Variants in ARHGAP42 observed in about 807,000 individuals in gnomAD.
ARHGAP42 encodes Rho GTPase activating protein 42.
Under a neutral mutation model 125.0 loss-of-function variants are expected in ARHGAP42, and 63 were observed. That is an observed-to-expected ratio of 0.50 (90% CI 0.41 to 0.62). The LOEUF is 0.62. Among genes scored for constraint, ARHGAP42 ranks in the 20% least tolerant of loss-of-function variants. The probability of loss-of-function intolerance (pLI) is 0.00; values close to 1 mark genes in which losing one functional copy is unlikely to be tolerated. For missense variants in ARHGAP42, 766 were observed against 1,024.2 expected, an observed-to-expected ratio of 0.75 and a Z score of 3.44; for synonymous variants, 339 against 351.0, an observed-to-expected ratio of 0.97 and a Z score of 0.38.
At chr11:100,709,950 A>T (rs997106052) in intron 1 of ARHGAP42, among the ~76,000 whole-genome samples, 1 of 152,166 alleles carries the variant, frequency 6.6e-6, no homozygotes, top group Non-Finnish European at 1.5e-5. Context: ...TGATATACAC[A>T]CTGTGACATG....
At chr11:100,847,074 C>A (rs1865086778) in intron 3 of ARHGAP42, among the ~76,000 whole-genome samples, 1 of 152,116 alleles carries the variant, frequency 6.6e-6, no homozygotes, top group Non-Finnish European at 1.5e-5. Context: ...GAAGAACCAC[C>A]AACCCACTTG....
At chr11:100,824,603 G>T (rs1355604061) in intron 3 of ARHGAP42, among the ~76,000 whole-genome samples, 2 of 152,120 alleles carry the variant, frequency 1.3e-5, no homozygotes, top group Non-Finnish European at 2.9e-5. Context: ...TTCATGAGCT[G>T]GGAAATTCAG....
At chr11:100,809,514 A>T (rs1027653349) in intron 3 of ARHGAP42, among the ~76,000 whole-genome samples, 9 of 152,270 alleles carry the variant, frequency 5.9e-5, no homozygotes, top group Admixed American at 4.6e-4. Context: ...ATAGTTGTGT[A>T]TGAAATTTTA....
intron 1 of ARHGAP42, among the ~76,000 whole-genome samples, chr11:100,723,816 ATCATT>A (rs1861807307): frequency 6.6e-6 from 1 of 152,152 alleles, no homozygotes. Context: ...TGAGAGGGAT[ATCATT>A]GTCTTGTTCC....
intron 3 of ARHGAP42, among the ~76,000 whole-genome samples, chr11:100,822,389 G>A (rs566323942): frequency 1.2e-3 from 181 of 152,184 alleles, no homozygotes; most frequent in Non-Finnish European, 2.2e-3. Flanking sequence ...TGGGTAGTGG[G>A]TGGCAGGTGG....
Position 100,992,442 on chromosome 11 carries a change from T to C in ARHGAP42, c.*3641T>C. The stretch of plus-strand genomic sequence containing the variant: ...GGTTTCCCCTTAGGGTACACATTGC[T>C]ATTTAACTTTGCCTCCTACCCTTTT... On this transcript the variant is annotated 3_prime_UTR_variant, in exon 24 of 24. Transcript: ENST00000298815. 1 of 1,614,142 alleles carries C rather than the reference T, an allele frequency of 6.2e-7. No individual in the cohort carries two copies. Among genetic ancestry groups the C allele is most frequent in the South Asian group, 1.1e-5 (1 of 91,088 alleles).
chr11:100,872,237 T>G (rs1274718312), intron 4 of ARHGAP42, among the ~76,000 whole-genome samples: 1 of 152,354 alleles, frequency 6.6e-6, no homozygotes, highest in African/African-American at 2.4e-5. Flanking sequence ...ATTTATCTTC[T>G]TATTGTTCAT....
intron 2 of ARHGAP42, among the ~76,000 whole-genome samples, chr11:100,783,143 A>C (rs1863353335): frequency 6.6e-6 from 1 of 152,170 alleles, no homozygotes; most frequent in South Asian, 2.1e-4. Context: ...ACTGCTTTGA[A>C]CACTAGTCTT....
intron 1 of ARHGAP42, among the ~76,000 whole-genome samples, chr11:100,729,626 G>T (rs1861920044): frequency 6.6e-6 from 1 of 151,982 alleles, no homozygotes. Context: ...AATTTGCATA[G>T]ATAAATTAAA....
chr11:100,966,173 T>A (rs1348553194), intron 17 of ARHGAP42, among the ~76,000 whole-genome samples: 2 of 152,166 alleles, frequency 1.3e-5, no homozygotes, highest in Non-Finnish European at 2.9e-5. Flanking sequence ...AACACTTAAC[T>A]GTTAGATTCC....
intron 3 of ARHGAP42, among the ~76,000 whole-genome samples, chr11:100,842,630 T>G (rs903965797): frequency 6.6e-6 from 1 of 152,010 alleles, no homozygotes; most frequent in Non-Finnish European, 1.5e-5. Flanking sequence ...AGTGTGGTAA[T>G]GAATGGAAAT....
chr11:100,751,971 G>T (rs527533949), intron 1 of ARHGAP42, among the ~76,000 whole-genome samples: 7 of 151,768 alleles, frequency 4.6e-5, no homozygotes, highest in Non-Finnish European at 1.0e-4. Flanking sequence ...ATAGAGATGG[G>T]GTTTCACCAG....
chr11:100,704,893 G>A (rs910345206), intron 1 of ARHGAP42, among the ~76,000 whole-genome samples: 12 of 151,128 alleles, frequency 7.9e-5, no homozygotes, highest in Admixed American at 2.0e-4. Flanking sequence ...CAGGAGGATC[G>A]CTTGAGCCCA....
intron 2 of ARHGAP42, among the ~76,000 whole-genome samples, chr11:100,778,506 GA>G (rs1863185931): frequency 6.6e-6 from 1 of 151,902 alleles, no homozygotes; most frequent in African/African-American, 2.4e-5. Context: ...CTCTGCAGAG[GA>G]AGCATATTTT....
intron 1 of ARHGAP42, among the ~76,000 whole-genome samples, chr11:100,730,100 G>A (rs1483081848): frequency 2.0e-5 from 3 of 152,118 alleles, no homozygotes; most frequent in Admixed American, 2.0e-4. Flanking sequence ...ATGAGCCACT[G>A]TGCCTGGCCT....
chr11:100,693,936 C>A (rs889809452), intron 1 of ARHGAP42, among the ~76,000 whole-genome samples: 2 of 150,292 alleles, frequency 1.3e-5, no homozygotes, highest in Non-Finnish European at 3.0e-5. Context: ...GCTTTCTTTT[C>A]TTTCTTTTTT....
At position 100,795,105 on chromosome 11, in the gene ARHGAP42, C is replaced by T. The variant is rs1213066656; in HGVS notation, c.251C>T (p.Ala84Val). 1.9e-6 allele frequency: 3 copies of T among 1,543,860 alleles called. No homozygotes were observed. Among genetic ancestry groups the T allele is most frequent in the Non-Finnish European group, 2.6e-6 (3 of 1,143,562 alleles). The change falls in exon 3 of 24, where the codon GCT (alanine) becomes GTT (valine). Residue 84 changes from alanine to valine, a missense_variant and splice_region_variant. By Grantham distance (64) the Ala-to-Val change is moderately conservative (BLOSUM62 0). This residue lies in a region of ARHGAP42 where 455 missense variants were observed against 636.5 expected (regional missense o/e 0.71). Coordinates refer to ENST00000298815, the MANE Select transcript of ARHGAP42 (RefSeq NM_152432.4). ...TGCATTTTTTTATCTTTCCAAACAGCTCAGTCACTAAAAGAATTTGCAAGA... is the reference window on the plus strand; with the variant it reads ...TGCATTTTTTTATCTTTCCAAACAGTTCAGTCACTAAAAGAATTTGCAAGA... ...DAETDDEISI[A>V]QSLKEFARLL...
chr11:100,935,236 C>G (rs1432490412), intron 7 of ARHGAP42, among the ~76,000 whole-genome samples: 1 of 151,562 alleles, frequency 6.6e-6, no homozygotes, highest in Non-Finnish European at 1.5e-5. Flanking sequence ...AAGAGGTATT[C>G]ATAGAGAAAA....
chr11:100,940,513 A>C (rs1867850666), intron 8 of ARHGAP42, among the ~76,000 whole-genome samples: 1 of 152,180 alleles, frequency 6.6e-6, no homozygotes, highest in Non-Finnish European at 1.5e-5. Flanking sequence ...CTACCAATGC[A>C]TTCTACGCCC....
Sources: allele counts gnomAD v4.1 joint callset (sites outside exome capture counted in the v4.1 genomes callset), GRCh38; gene constraint gnomAD v4.1.1; regional missense constraint gnomAD v4.1.1; transcripts MANE v1.5; gene names NCBI Gene and HGNC (gene_info 2026-07-23, HGNC 2026-07-21).